Variants in SH3D21 observed in about 807,000 individuals in gnomAD.
The protein encoded by SH3D21 is SH3 domain-containing protein 21.
A neutral mutation model predicts 82.1 loss-of-function variants in SH3D21; 83 were observed. That is an observed-to-expected ratio of 1.01 (90% CI 0.85 to 1.21). The LOEUF (loss-of-function observed/expected upper bound fraction) is 1.21. Ranked by LOEUF, SH3D21 falls within the 50% of genes most tolerant of loss-of-function variation. The pLI is 0.00. For missense variants in SH3D21, 980 were observed against 962.1 expected (o/e 1.02, Z -0.25); for synonymous variants, 383 against 387.8 (o/e 0.99, Z 0.15).
Position 36,309,569 on chromosome 1 carries a change from A to G in SH3D21, c.748A>G (p.Lys250Glu). Residue 250 changes from lysine (K) to glutamate (E), a missense_variant, in exon 10 of 16, where the codon AAA becomes GAA. Transcript: ENST00000453908. ...ATAGATCAAGAAGCTGGTCCCACGG[A>G]AAGTGGTATCTCGGGAATCAGGTGA... ...PPPIKKLVPRKVVSRESAPIK... is the reference protein window; with the variant it reads ...PPPIKKLVPREVVSRESAPIK... 4 of 1,551,660 alleles carry G rather than the reference A, an allele frequency of 2.6e-6. No homozygotes were observed. The highest frequency in any genetic ancestry group is 3.5e-6 in the Non-Finnish European group (4 of 1,146,948).
At chr1:36,322,192 C>A, downstream of SH3D21, 4 of 1,375,948 alleles carry the variant, frequency 2.9e-6, no homozygotes, top group Non-Finnish European at 3.8e-6. Flanking sequence ...CCCAGTAGCA[C>A]CTGGGAGCTG....
At chr1:36,309,701 C>T in intron 10 of SH3D21, 111 bp downstream of exon 10, 1 of 1,196,968 alleles carries the variant, frequency 8.4e-7, no homozygotes, top group Non-Finnish European at 1.2e-6. Flanking sequence ...CCTATAGGAG[C>T]CCCCTCACCT....
chr1:36,321,020 G>GC lies in SH3D21; in HGVS notation c.2200-31dup. On this transcript the variant is annotated intron_variant, in intron 15 of 15. Coordinates refer to ENST00000453908, the MANE Select transcript of SH3D21 (RefSeq NM_001162530.2). The surrounding 1 kb of genome is among the most constrained non-coding windows in gnomAD (Gnocchi z 6.1). Reference sequence around the variant, plus strand: ...GGCGGGAGGGGGCTGACGGCGAGTGGCCCCCTGACAAAGTCTCCACCTCAC... The same window carrying GC: ...GGCGGGAGGGGGCTGACGGCGAGTGGCCCCCCTGACAAAGTCTCCACCTCAC... 3 of 1,592,274 alleles carry GC rather than the reference G, an allele frequency of 1.9e-6. No homozygotes were observed. The highest frequency in any genetic ancestry group is 2.6e-6 in the Non-Finnish European group (3 of 1,169,994).
downstream of SH3D21, chr1:36,321,356 T>G (rs1646459658): frequency 3.0e-6 from 4 of 1,349,724 alleles, no homozygotes; most frequent in Admixed American, 3.2e-5. The surrounding 1 kb of genome is among the most constrained non-coding windows in gnomAD (Gnocchi z 6.1). Context: ...TCCCAAGGCC[T>G]GCGCGCGGCT....
At chr1:36,322,806 G>T, downstream of SH3D21, 1 of 1,493,590 alleles carries the variant, frequency 6.7e-7, no homozygotes, top group Non-Finnish European at 9.1e-7. Context: ...CAGGTTCTAG[G>T]TGTGGGGGCG....
At chr1:36,308,349 G>T (rs1253659269) in intron 8 of SH3D21, 40 bp from the exon 9 acceptor site, 2 of 1,540,842 alleles carry the variant, frequency 1.3e-6, no homozygotes, top group Non-Finnish European at 1.8e-6. Flanking sequence ...GGACCTTGGG[G>T]GACCTGGCTC....
chr1:36,310,510 G>T (rs1032209262), intron 10 of SH3D21, among the ~76,000 whole-genome samples: 10 of 152,078 alleles, frequency 6.6e-5, no homozygotes, highest in African/African-American at 2.4e-4. Context: ...AGCTATTTGG[G>T]AGGCTGAGGC....
chr1:36,307,290 GGGGTGAGGTGAT>G lies in SH3D21; in HGVS notation c.345+9_345+20del. ...ATCGTGGAAATGATAAAGGAGGTGA[GGGGTGAGGTGAT>G]GGGACCGTTTGGGGGAGGATGATGG... On this transcript the variant is annotated splice_donor_region_variant and intron_variant, in intron 4 of 15. Transcript: ENST00000453908. This position sits in a 1 kb window ranked among gnomAD's most constrained non-coding sequence, Gnocchi z 5.4. 1 of 1,551,846 alleles carries G rather than the reference GGGGTGAGGTGAT, an allele frequency of 6.4e-7. No individual in the cohort carries two copies. Among genetic ancestry groups the G allele is most frequent in the Non-Finnish European group, 8.7e-7 (1 of 1,147,014 alleles).
downstream of SH3D21, chr1:36,322,945 C>T (rs757018075): frequency 1.4e-5 from 23 of 1,606,698 alleles, no homozygotes; most frequent in Non-Finnish European, 1.9e-5. Flanking sequence ...GGTTCAGGCC[C>T]CCAGTCTTCC....
At chr1:36,321,517 G>T (rs912622560), downstream of SH3D21, 2 of 777,638 alleles carry the variant, frequency 2.6e-6, no homozygotes, top group East Asian at 7.5e-5. This position sits in a 1 kb window ranked among gnomAD's most constrained non-coding sequence, Gnocchi z 6.1. Flanking sequence ...GCGCCGGGGA[G>T]GAGCCGGGCG....
chr1:36,329,945 G>A (rs1267433771), downstream of SH3D21, among the ~76,000 whole-genome samples: 1 of 152,028 alleles, frequency 6.6e-6, no homozygotes, highest in Non-Finnish European at 1.5e-5. Flanking sequence ...GCTCCCCCAG[G>A]GCTAAAGGCA....
Position 36,308,434 on chromosome 1 carries a change from A to G in SH3D21, c.685A>G (p.Arg229Gly). The G allele has an allele frequency of 6.4e-7, 1 of 1,551,866 alleles. No individual in the cohort carries two copies. Among genetic ancestry groups the G allele is most frequent in the Non-Finnish European group, 8.7e-7 (1 of 1,147,026 alleles). Reference protein sequence around the residue: ...GWWEGECQGRRGVFPDNFVLP... With the variant: ...GWWEGECQGRGGVFPDNFVLP... ...GTGGGAAGGAGAGTGTCAAGGACGA[A>G]GAGGAGTTTTTCCAGACAACTTTGT... The change falls in exon 9 of 16, where the codon AGA becomes GGA. Residue 229 changes from arginine (R) to glycine (G), a missense_variant. Transcript: ENST00000453908.
Position 36,319,747 on chromosome 1 carries a change from C to A in SH3D21, c.1084C>A (p.Pro362Thr). 1 of 1,602,898 alleles carries A rather than the reference C, an allele frequency of 6.2e-7. No individual in the cohort carries two copies. The highest frequency in any genetic ancestry group is 1.1e-5 in the South Asian group (1 of 89,560). ...CCCCATGCCGGACAAGACTGCCACC[C>A]CAGAGAGGCCCCCAGCTCCAGAGAA... ...RTPMPDKTAT[P>T]ERPPAPENAP... The change falls in exon 14 of 16, where the codon CCA becomes ACA. Residue 362 changes from proline (P) to threonine (T), a missense_variant. Coordinates refer to ENST00000453908, the MANE Select transcript of SH3D21 (RefSeq NM_001162530.2).
At position 36,307,511 on chromosome 1, in the gene SH3D21, C is replaced by T. The variant is rs1646152933; in HGVS notation, c.346-6C>T. On this transcript the variant is annotated splice_region_variant and splice_polypyrimidine_tract_variant and intron_variant, in intron 4 of 15. Coordinates refer to ENST00000453908, the MANE Select transcript of SH3D21 (RefSeq NM_001162530.2). The surrounding 1 kb of genome is among the most constrained non-coding windows in gnomAD (Gnocchi z 5.4). The stretch of plus-strand genomic sequence containing the variant: ...CAGACGCCTCTGCGTCCTCCCCTCT[C>T]CCCAGATTGAGGACGGCTGGTGGCT... 6 of 1,551,388 alleles carry T rather than the reference C, an allele frequency of 3.9e-6. No individual in the cohort carries two copies. Among genetic ancestry groups the T allele is most frequent in the East Asian group, 4.9e-5 (2 of 40,926 alleles).
intron 10 of SH3D21, among the ~76,000 whole-genome samples, chr1:36,316,919 C>T (rs1188843733): frequency 3.3e-5 from 5 of 152,130 alleles, no homozygotes; most frequent in African/African-American, 4.8e-5. Context: ...ACTGGGATTA[C>T]AGGCGTGAGC....
At chr1:36,310,819 G>GT (rs1389791832) in intron 10 of SH3D21, among the ~76,000 whole-genome samples, 1 of 152,096 alleles carries the variant, frequency 6.6e-6, no homozygotes, top group African/African-American at 2.4e-5. Context: ...TCTAAACACT[G>GT]TATCACTAAA....
downstream of SH3D21, chr1:36,321,545 G>C: frequency 1.4e-6 from 1 of 731,490 alleles, no homozygotes; most frequent in Non-Finnish European, 1.8e-6. The surrounding 1 kb of genome is among the most constrained non-coding windows in gnomAD (Gnocchi z 6.1). Flanking sequence ...TCGCCAGCTC[G>C]GACCCCTCCC....
chr1:36,323,033 T>G (rs1203961674), downstream of SH3D21: 10 of 1,599,416 alleles, frequency 6.3e-6, no homozygotes, highest in African/African-American at 2.7e-5. Flanking sequence ...TCGCGGGGCA[T>G]CCATGCTGCT....
intron 10 of SH3D21, among the ~76,000 whole-genome samples, chr1:36,311,296 A>G (rs1445848946): frequency 1.3e-5 from 2 of 151,988 alleles, no homozygotes; most frequent in African/African-American, 4.8e-5. Flanking sequence ...GCTGGAATGC[A>G]GTGGCGCAAT....
Sources: allele counts gnomAD v4.1 joint callset (sites outside exome capture counted in the v4.1 genomes callset), GRCh38; gene constraint gnomAD v4.1.1; non-coding constraint Gnocchi (gnomAD v3.1); transcripts MANE v1.5; gene names NCBI Gene and HGNC (gene_info 2026-07-23, HGNC 2026-07-21).